UTP14A: variants seen among roughly 807,000 people sequenced by gnomAD.
The protein encoded by UTP14A is U3 small nucleolar RNA-associated protein 14 homolog A.
In UTP14A, 5 loss-of-function variants were observed where a neutral mutation model predicts 57.2. The ratio of observed to expected loss-of-function variants is 0.09; its 90% CI spans 0.05 to 0.18. The LOEUF (loss-of-function observed/expected upper bound fraction) is 0.18. Ranked by LOEUF, UTP14A falls within the 10% of genes least tolerant of loss-of-function variation. The pLI is 1.00. For synonymous variants in UTP14A, 169 were observed against 210.9 expected (o/e 0.80, Z 1.72); for missense variants, 430 against 562.1 (o/e 0.76, Z 2.38).
intron 14 of UTP14A, among the ~76,000 whole-genome samples, chrX:129,928,569 A>G (rs1321837556): frequency 9.2e-6 from 1 of 108,121 alleles, no homozygotes; most frequent in African/African-American, 3.4e-5. Context: ...CCTGGCTAAC[A>G]CGGTGAAACC....
intron 4 of UTP14A, among the ~76,000 whole-genome samples, chrX:129,910,666 AAAC>A (rs757397673): frequency 5.5e-4 from 62 of 112,726 alleles, no homozygotes; most frequent in South Asian, 5.1e-3. Context: ...GTCTCAAAAC[AAAC>A]AACAACAACA....
chrX:129,913,757 GA>G (rs1929569320), intron 6 of UTP14A, among the ~76,000 whole-genome samples: 2 of 111,800 alleles, frequency 1.8e-5, no homozygotes, highest in South Asian at 7.3e-4. Context: ...GAGGCAGGTG[GA>G]TCACCTGAGG....
chrX:129,918,310 A>G (rs1278187850), intron 6 of UTP14A, among the ~76,000 whole-genome samples: 1 of 106,899 alleles, frequency 9.4e-6, no homozygotes, highest in African/African-American at 3.4e-5. Context: ...TCACTTGAGC[A>G]CTAGAGGTGG....
At position 129,911,890 on chromosome X, in the gene UTP14A, C is replaced by A; in HGVS notation, c.506C>A (p.Ala169Asp). 1 of 1,211,552 alleles carries A rather than the reference C, an allele frequency of 8.3e-7. No homozygotes were observed. Among genetic ancestry groups the A allele is most frequent in the Non-Finnish European group, 1.1e-6 (1 of 895,468 alleles). The change falls in exon 6 of 15, where the codon GCT (alanine) becomes GAT (aspartate). Residue 169 changes from alanine to aspartate, a missense_variant. Ala to Asp is a moderately radical substitution (Grantham distance 126). Transcript: ENST00000394422. ...CTGGAGAAAGAGGAGCCAGCCATTG[C>A]TCCCATTGAACATGTGCTCAGTGGC... ...FPLEKEEPAI[A>D]PIEHVLSGWK...
At chrX:129,910,768 A>T (rs1929436156) in intron 4 of UTP14A, among the ~76,000 whole-genome samples, 1 of 112,746 alleles carries the variant, frequency 8.9e-6, no homozygotes, top group African/African-American at 3.2e-5. Flanking sequence ...CCAGGAGAAA[A>T]GCAAATGAGT....
chrX:129,928,384 C>CAAA (rs1183151025), intron 14 of UTP14A, among the ~76,000 whole-genome samples: 5 of 8,759 alleles, frequency 5.7e-4, no homozygotes, highest in Non-Finnish European at 8.6e-4. Context: ...GACTCCATCT[C>CAAA]AAAAAAAAAA....
At chrX:129,922,331 G>C (rs1202006276) in intron 11 of UTP14A, 2 of 112,378 alleles carry the variant, frequency 1.8e-5, no homozygotes, top group Non-Finnish European at 3.8e-5. Flanking sequence ...TGGCTATCTG[G>C]ACAAATTACC....
rs1929354777 is a variant in UTP14A at position 129,908,881 on chromosome X, T to C, written c.238+147T>C. On this transcript the variant is annotated intron_variant, in intron 4 of 14. Coordinates refer to ENST00000394422, the MANE Select transcript of UTP14A (RefSeq NM_006649.4). ...TGGGAGAGTGGGTGAAGAAGTGTAG[T>C]CAGATGCCCTTCAGTTTCTTCCATC... 3 of 525,328 alleles carry C rather than the reference T, an allele frequency of 5.7e-6. No homozygotes were observed. In the East Asian group the frequency reaches 1.0e-4, roughly 18 times the overall value. The allele number at this position is 525,328 out of a possible 1,213,427, so 43.3% of individuals were successfully genotyped here.
At chrX:129,929,218 G>A in intron 14 of UTP14A, 118 bp from the exon 15 acceptor site, 1 of 903,551 alleles carries the variant, frequency 1.1e-6, no homozygotes, top group East Asian at 3.1e-5. Flanking sequence ...CTCTTCACTT[G>A]CAGTCATCAT....
intron 11 of UTP14A, chrX:129,922,729 T>TC (rs1491363071): frequency 9.1e-6 from 1 of 109,625 alleles, no homozygotes; most frequent in East Asian, 2.8e-4. Context: ...CTTTTTTTTT[T>TC]CCTTTTTTTT....
chrX:129,909,459 G>A (rs906658622), intron 4 of UTP14A, among the ~76,000 whole-genome samples: 3 of 110,702 alleles, frequency 2.7e-5, no homozygotes, highest in Admixed American at 9.7e-5. Flanking sequence ...TCCACCCGCC[G>A]CAGCCTCTCA....
At position 129,929,511 on chromosome X, in the gene UTP14A, G is replaced by A. The variant is rs1055027; in HGVS notation, c.2219G>A (p.Arg740Gln). ...ATAAAAGCAGAAGACGTGGGCTACC[G>A]GTCTTCCTCAAGGTCGGACCTGTCT... ...NPIKAEDVGY[R>Q]SSSRSDLSVI... The change falls in exon 15 of 15, where the codon CGG becomes CAG. Residue 740 changes from arginine to glutamine, a missense_variant. Around this residue, in one of 4 missense-constraint regions of UTP14A, gnomAD observed 82 missense variants for 151.4 expected, o/e 0.54. Transcript: ENST00000394422. 2.0e-5 allele frequency: 24 copies of A among 1,209,432 alleles called. No homozygotes were observed. The highest frequency in any genetic ancestry group is 2.3e-4 in the Middle Eastern group (1 of 4,353).
chrX:129,906,327 A>T (rs1244344624), intron 1 of UTP14A, 91 bp downstream of exon 1: 1 of 891,379 alleles, frequency 1.1e-6, no homozygotes, highest in Non-Finnish European at 1.6e-6. Flanking sequence ...CCTTTAACAG[A>T]TGGCAGTGGT....
At chrX:129,909,196 C>T (rs745816748) in intron 4 of UTP14A, among the ~76,000 whole-genome samples, 118 of 106,244 alleles carry the variant, frequency 1.1e-3, no homozygotes, top group Non-Finnish European at 2.0e-3. Flanking sequence ...CTGAGAGGAG[C>T]CTTTCAAGCC....
intron 11 of UTP14A, among the ~76,000 whole-genome samples, chrX:129,923,526 C>T (rs1358712062): frequency 3.6e-5 from 4 of 111,701 alleles, no homozygotes; most frequent in Non-Finnish European, 7.5e-5. Context: ...TCACCCATTT[C>T]GGCCTCCCAG....
chrX:129,912,508 G>A (rs768866159), intron 6 of UTP14A, among the ~76,000 whole-genome samples: 1 of 110,333 alleles, frequency 9.1e-6, no homozygotes, highest in South Asian at 3.8e-4. Flanking sequence ...CCGTATAGCA[G>A]GAACATAATA....
chrX:129,921,699 G>A, intron 11 of UTP14A, 112 bp downstream of exon 11: 2 of 837,459 alleles, frequency 2.4e-6, no homozygotes, highest in Non-Finnish European at 3.3e-6. Context: ...TAGGCGCTGG[G>A]GACTTGCAAG....
In UTP14A at chrX:129,914,627, A is replaced by G. The variant is rs139811091; in HGVS notation, c.537+2706A>G. Among the ~76,000 whole-genome samples, 555 of 111,527 alleles carry G rather than the reference A, an allele frequency of 5.0e-3. 1 individual carries two copies. The highest frequency in any genetic ancestry group is 0.016 in the African/African-American group (505 of 30,802). On this transcript the variant is annotated intron_variant, in intron 6 of 14. Transcript: ENST00000394422. ...GAAAAGAAAATCGAAAGTCTGTACT[A>G]TAGTTTTGGTCCAGCTCCCTAAAAT...
chrX:129,910,269 G>A (rs746575395), intron 4 of UTP14A, among the ~76,000 whole-genome samples: 4 of 111,893 alleles, frequency 3.6e-5, no homozygotes, highest in African/African-American at 1.3e-4. Flanking sequence ...AGGTTAGAGA[G>A]GCAGATGGGG....
Sources: allele counts gnomAD v4.1 joint callset (sites outside exome capture counted in the v4.1 genomes callset), GRCh38; gene constraint gnomAD v4.1.1; regional missense constraint gnomAD v4.1.1; transcripts MANE v1.5; gene names NCBI Gene and HGNC (gene_info 2026-07-23, HGNC 2026-07-21).